RPTOR: variants seen among roughly 807,000 people sequenced by gnomAD.
RPTOR encodes regulatory-associated protein of mTOR.
A neutral mutation model predicts 169.9 loss-of-function variants in RPTOR; 21 were observed. The ratio of observed to expected loss-of-function variants is 0.12; its 90% CI spans 0.09 to 0.18. The LOEUF is 0.18. Ranked by LOEUF, RPTOR falls within the 10% of genes least tolerant of loss-of-function variation. RPTOR has a pLI of 1.00. For synonymous variants in RPTOR, 732 were observed against 753.2 expected (o/e 0.97, Z 0.46); for missense variants, 1,133 against 1,855.9 (o/e 0.61, Z 7.16).
intron 21 of RPTOR, among the ~76,000 whole-genome samples, chr17:80,920,866 C>T (rs1441776265): frequency 6.6e-6 from 1 of 152,200 alleles, no homozygotes; most frequent in Non-Finnish European, 1.5e-5. Flanking sequence ...TCTTTTTAGA[C>T]TTTTGAAGGG....
At chr17:80,921,062 A>G (rs2068739063) in intron 21 of RPTOR, among the ~76,000 whole-genome samples, 2 of 152,260 alleles carry the variant, frequency 1.3e-5, no homozygotes, top group Admixed American at 1.3e-4. Flanking sequence ...AGGAAAGGAC[A>G]ATCTGGGAAG....
In RPTOR at chr17:80,883,679, G is replaced by C. The variant is rs909815003; in HGVS notation, c.1651-102G>C. 1.2e-4 allele frequency: 169 copies of C among 1,367,154 alleles called. 3 individuals are homozygous for C. The East Asian group carries it at 2.5e-3, about 21-fold the overall frequency. The allele number at this position is 1,367,154 out of a possible 1,614,324, so 84.7% of individuals were successfully genotyped here. ...AATGGGGAAAATTGAGCAAATCAAG[G>C]CTTCCCAAGAATGGGTGGCCACCGT... On this transcript the variant is annotated intron_variant, in intron 15 of 33. Transcript: ENST00000306801.
intron 4 of RPTOR, among the ~76,000 whole-genome samples, chr17:80,720,770 C>G (rs2066278631): frequency 6.8e-6 from 1 of 146,452 alleles, no homozygotes; most frequent in African/African-American, 2.8e-5. Flanking sequence ...CCAGGCCCTC[C>G]CTGAGCCTCT....
At chr17:80,770,859 C>A (rs1330463022) in intron 6 of RPTOR, among the ~76,000 whole-genome samples, 2 of 152,232 alleles carry the variant, frequency 1.3e-5, no homozygotes, top group Non-Finnish European at 2.9e-5. Flanking sequence ...AGCCCACCCA[C>A]CTCTTTCCTT....
In RPTOR at chr17:80,721,631, A is replaced by T. The variant is rs1406526131; in HGVS notation, c.508-8929A>T. Among the ~76,000 whole-genome samples the T allele has an allele frequency of 6.6e-6, 1 of 151,362 alleles. No homozygotes were observed. The highest frequency in any genetic ancestry group is 1.5e-5 in the Non-Finnish European group (1 of 68,030). ...TGTCTCCAGCCCATCATGCTGGAAC[A>T]TGCTGGAAGCTTCCTCAGGGTACTC... is the stretch of plus-strand genomic sequence containing the variant. On this transcript the variant is annotated intron_variant, in intron 4 of 33. Coordinates refer to ENST00000306801, the MANE Select transcript of RPTOR (RefSeq NM_020761.3). This position sits in a 1 kb window ranked among gnomAD's most constrained non-coding sequence, Gnocchi z 4.7.
intron 6 of RPTOR, among the ~76,000 whole-genome samples, chr17:80,767,248 G>C (rs988111451): frequency 6.6e-6 from 1 of 152,162 alleles, no homozygotes; most frequent in African/African-American, 2.4e-5. Context: ...GCATACGCTT[G>C]TAGTCCCAGC....
intron 21 of RPTOR, 35 bp from the exon 22 acceptor site, chr17:80,922,689 G>C (rs777202896): frequency 2.6e-6 from 4 of 1,525,542 alleles, no homozygotes; most frequent in Non-Finnish European, 2.7e-6. Context: ...AGCACGTCCC[G>C]TCTGACCTTC....
chr17:80,827,227 C>T (rs544995093), intron 9 of RPTOR, among the ~76,000 whole-genome samples: 1 of 152,356 alleles, frequency 6.6e-6, no homozygotes, highest in African/African-American at 2.4e-5. Flanking sequence ...CCTCCAGCGC[C>T]ACTTGTGGGA....
chr17:80,638,217 G>A (rs987553493), intron 2 of RPTOR, among the ~76,000 whole-genome samples: 1 of 152,150 alleles, frequency 6.6e-6, no homozygotes, highest in East Asian at 1.9e-4. Flanking sequence ...AAGAGCATGA[G>A]CCCACACTCT....
chr17:80,754,202 G>A lies in RPTOR; in HGVS notation c.830+17G>A. On this transcript the variant is annotated intron_variant, in intron 6 of 33. Transcript: ENST00000306801. The surrounding 1 kb of genome is among the most constrained non-coding windows in gnomAD (Gnocchi z 4.2). ...CCTGCGCTGGTGAGTGGCCCCTGCTGTGCCCCTGGGACCCACTCAACTGGG... is the reference window on the plus strand; with the variant it reads ...CCTGCGCTGGTGAGTGGCCCCTGCTATGCCCCTGGGACCCACTCAACTGGG... The A allele has an allele frequency of 6.3e-7, 1 of 1,578,548 alleles. No individual in the cohort carries two copies. The highest frequency in any genetic ancestry group is 8.6e-7 in the Non-Finnish European group (1 of 1,158,336).
At chr17:80,953,065 A>G (rs2069203215) in intron 28 of RPTOR, among the ~76,000 whole-genome samples, 1 of 151,924 alleles carries the variant, frequency 6.6e-6, no homozygotes, top group African/African-American at 2.4e-5. Flanking sequence ...GGGTTTCACC[A>G]TGTTGGCCAG....
In RPTOR at chr17:80,895,560, C is replaced by T. The variant is rs530630616; in HGVS notation, c.2401+1695C>T. 3.3e-5 allele frequency among the ~76,000 whole-genome samples: 5 copies of T among 152,358 alleles called. No homozygotes were observed. The East Asian group carries it at 5.8e-4, about 18-fold the overall frequency. On this transcript the variant is annotated intron_variant, in intron 20 of 33. Coordinates refer to ENST00000306801, the MANE Select transcript of RPTOR (RefSeq NM_020761.3). ...CAGTGCCTGGTACGCAGTAGGTGCT[C>T]AATACACATAAACGGGCACGTGTGT...
At chr17:80,781,427 C>A (rs1181859790) in intron 6 of RPTOR, among the ~76,000 whole-genome samples, 1 of 152,148 alleles carries the variant, frequency 6.6e-6, no homozygotes, top group Non-Finnish European at 1.5e-5. Flanking sequence ...AGGGTACCAA[C>A]GAGCTAGGCC....
chr17:80,961,768 C>T (rs910231989), intron 31 of RPTOR: 7 of 392,102 alleles, frequency 1.8e-5, no homozygotes, highest in East Asian at 1.3e-4. Flanking sequence ...TCTCCCTCCA[C>T]GGGCAGGGGT....
At chr17:80,550,835 T>A (rs888744208) in intron 1 of RPTOR, among the ~76,000 whole-genome samples, 1 of 152,170 alleles carries the variant, frequency 6.6e-6, no homozygotes, top group Non-Finnish European at 1.5e-5. Context: ...TCCTGACTGG[T>A]CTCCCTATGT....
chr17:80,940,565 C>A lies in RPTOR; in HGVS notation c.2989C>A (p.Arg997Ser). The A allele has an allele frequency of 6.2e-7, 1 of 1,612,974 alleles. No individual in the cohort carries two copies. The highest frequency in any genetic ancestry group is 8.5e-7 in the Non-Finnish European group (1 of 1,179,592). ...GGAGTGGCGGTTCCTGCGAAACAGC[C>A]GTGTCAGGAGGCAGGCCCAGCAAGT... ...EREWRFLRNS[R>S]VRRQAQQVIQ... is the part of the protein sequence containing the mutation. The change falls in exon 25 of 34, where the codon CGT becomes AGT. Residue 997 changes from arginine to serine, a missense_variant. Physicochemically the swap from Arg to Ser is moderately radical, Grantham distance 110 (BLOSUM62 -1). Around this residue, in one of 9 missense-constraint regions of RPTOR, gnomAD observed 410 missense variants for 623.7 expected, o/e 0.66. Transcript: ENST00000306801.
chr17:80,930,550 C>T (rs1038049897), intron 24 of RPTOR, among the ~76,000 whole-genome samples: 1 of 52,250 alleles, frequency 1.9e-5, no homozygotes, highest in Non-Finnish European at 4.4e-5. Context: ...GGGCTTCACC[C>T]GCCTCAGGAG....
intron 5 of RPTOR, chr17:80,743,183 C>T (rs1024769676): frequency 1.8e-5 from 17 of 964,592 alleles, no homozygotes; most frequent in East Asian, 1.1e-4. Flanking sequence ...CCTGTCTTCC[C>T]GTCTCTCTCC....
At position 80,823,511 on chromosome 17, in the gene RPTOR, G is replaced by C; in HGVS notation, c.1136+288G>C. 1 of 311,304 alleles carries C rather than the reference G, an allele frequency of 3.2e-6. No homozygotes were observed. Among genetic ancestry groups the C allele is most frequent in the East Asian group, 5.3e-5 (1 of 18,892 alleles). The allele number at this position is 311,304 out of a possible 1,614,324, so 19.3% of individuals were successfully genotyped here. ...CTCGGGAGGGTAGCACTTTGCAAGA[G>C]AGTTTCTAACCTTTTAGAAACCAGT... On this transcript the variant is annotated intron_variant, in intron 9 of 33. Transcript: ENST00000306801. The surrounding 1 kb of genome is among the most constrained non-coding windows in gnomAD (Gnocchi z 4.5).
Sources: gnomAD v4.1 joint callset for allele counts (sites outside exome capture counted in the v4.1 genomes callset) on GRCh38, gnomAD v4.1.1 for gene constraint, gnomAD v4.1.1 regional missense constraint, Gnocchi (gnomAD v3.1) non-coding constraint, MANE v1.5 for transcripts, NCBI Gene and HGNC (gene_info 2026-07-23, HGNC 2026-07-21) for gene names.